The following PDE6B variants were observed in gnomAD, a reference collection of about 807,000 sequenced individuals.
PDE6B encodes rod cGMP-specific 3',5'-cyclic phosphodiesterase subunit beta.
In PDE6B, 106 loss-of-function variants were observed where a neutral mutation model predicts 109.0. That is an observed-to-expected ratio of 0.97 (90% CI 0.83 to 1.14). The LOEUF (loss-of-function observed/expected upper bound fraction) is 1.14, where lower values mean the gene tolerates loss of function less well. PDE6B is among the 50% of genes most tolerant of loss of function. The probability of loss-of-function intolerance (pLI) is 0.00; values close to 1 mark genes in which losing one functional copy is unlikely to be tolerated. For missense variants in PDE6B, 1,193 were observed against 1,155.6 expected, an observed-to-expected ratio of 1.03 and a Z score of -0.47; for synonymous variants, 490 against 471.3, an observed-to-expected ratio of 1.04 and a Z score of -0.51.
Position 642,725 on chromosome 4 carries a change from C to CAAAAAAAAAAAAAA in PDE6B, c.711+6768_711+6781dup, listed in dbSNP as rs71636506. On this transcript the variant is annotated intron_variant, in intron 3 of 21. Transcript: ENST00000496514. Reference sequence around the variant, plus strand: ...CCAACCTGGACAACAGACACTGTCTCAAAAAAAAAAAAAAAAAAAAAAAAA... The same window carrying CAAAAAAAAAAAAAA: ...CCAACCTGGACAACAGACACTGTCTCAAAAAAAAAAAAAAAAAAAAAAAAAAAAAAAAAAAAAAA... Among the ~76,000 whole-genome samples, 216 of 43,294 alleles carry CAAAAAAAAAAAAAA rather than the reference C, an allele frequency of 5.0e-3. 11 individuals are homozygous for CAAAAAAAAAAAAAA. Among genetic ancestry groups the CAAAAAAAAAAAAAA allele is most frequent in the African/African-American group, 0.012 (132 of 10,700 alleles). 28.4% of individuals were successfully genotyped at this position (43,294 alleles called of 152,430 possible).
In PDE6B at chr4:666,488, C is replaced by T. The variant is rs577010777; in HGVS notation, c.2269-43C>T. On this transcript the variant is annotated intron_variant, in intron 19 of 21. Coordinates refer to ENST00000496514, the MANE Select transcript of PDE6B (RefSeq NM_000283.4). The surrounding 1 kb of genome is among the most constrained non-coding windows in gnomAD (Gnocchi z 5.6). ...GGGCTGGGCGGGGCCCCAGGAGCTG[C>T]CTCCCTGGTCACTGTTCTCCCGCCC... The T allele has an allele frequency of 7.1e-5, 98 of 1,381,786 alleles. No individual in the cohort carries two copies. In the South Asian group the frequency reaches 1.1e-3, roughly 15 times the overall value. The allele number at this position is 1,381,786 out of a possible 1,614,324, so 85.6% of individuals were successfully genotyped here.
chr4:654,043 G>A (rs375423770), intron 4 of PDE6B, 37 bp from the exon 5 acceptor site: 131 of 1,613,114 alleles, frequency 8.1e-5, no homozygotes, highest in African/African-American at 1.1e-4. Context: ...CCCAGGTCCC[G>A]CAGTGACCGC....
intron 21 of PDE6B, among the ~76,000 whole-genome samples, chr4:669,718 G>A (rs184086762): frequency 6.2e-5 from 3 of 48,004 alleles, no homozygotes; most frequent in Non-Finnish European, 7.5e-5. Flanking sequence ...TGCTATTCCC[G>A]CTACCCCATG....
intron 11 of PDE6B, among the ~76,000 whole-genome samples, chr4:659,764 G>A (rs565339120): frequency 6.6e-6 from 1 of 151,136 alleles, no homozygotes; most frequent in African/African-American, 2.4e-5. Context: ...GGTGTGTATT[G>A]TGTGTGCATG....
intron 5 of PDE6B, 46 bp from the exon 6 acceptor site, chr4:654,778 A>G (rs777299928): frequency 1.1e-5 from 11 of 977,168 alleles, no homozygotes; most frequent in Admixed American, 1.7e-5. Flanking sequence ...TGAGCCCCTC[A>G]GAGCTTGGCC....
chr4:654,737 GTGTAGCTGCA>G (rs1735996366), intron 5 of PDE6B, 77 bp from the exon 6 acceptor site: 1 of 817,542 alleles, frequency 1.2e-6, no homozygotes, highest in Non-Finnish European at 2.2e-6. Flanking sequence ...GTGTGGCTGT[GTGTAGCTGCA>G]TGTAGCTGTG....
chr4:655,522 C>A, intron 6 of PDE6B: 1 of 353,438 alleles, frequency 2.8e-6, no homozygotes, highest in South Asian at 2.4e-5. Flanking sequence ...AGCCATACGG[C>A]CTCCGGAGAG....
At position 626,669 on chromosome 4, in the gene PDE6B, CA is replaced by C. The variant is rs1734120644; in HGVS notation, c.468+576del. On this transcript the variant is annotated intron_variant, in intron 1 of 21. Coordinates refer to ENST00000496514, the MANE Select transcript of PDE6B (RefSeq NM_000283.4). The surrounding 1 kb of genome is among the most constrained non-coding windows in gnomAD (Gnocchi z 4.6). ...GAACAAACCTGGTAGCCACTGAGCA[CA>C]GGGGTCCAGGGTGGGACTGGGGAGG... is the stretch of plus-strand genomic sequence containing the variant. Among the ~76,000 whole-genome samples, 2 of 152,204 alleles carry C rather than the reference CA, an allele frequency of 1.3e-5. No homozygotes were observed. The highest frequency in any genetic ancestry group is 4.8e-5 in the African/African-American group (2 of 41,458).
chr4:666,382 C>T lies in PDE6B; in HGVS notation c.2269-149C>T. The T allele has an allele frequency of 1.5e-6, 1 of 672,202 alleles. No homozygotes were observed. Among genetic ancestry groups the T allele is most frequent in the Non-Finnish European group, 2.7e-6 (1 of 365,548 alleles). The allele number at this position is 672,202 out of a possible 1,614,324, so 41.6% of individuals were successfully genotyped here. On this transcript the variant is annotated intron_variant, in intron 19 of 21. Coordinates refer to ENST00000496514, the MANE Select transcript of PDE6B (RefSeq NM_000283.4). The surrounding 1 kb of genome is among the most constrained non-coding windows in gnomAD (Gnocchi z 5.6). ...TGGCCAAGGGAGAGGGTGTCAGCTT[C>T]CCCTCCCGAGAGCCAGTTTCTGTCA... is the stretch of plus-strand genomic sequence containing the variant.
rs953627180 is a variant in PDE6B at position 627,089 on chromosome 4, G to A, written c.468+995G>A. 2.6e-5 allele frequency among the ~76,000 whole-genome samples: 4 copies of A among 152,106 alleles called. No individual in the cohort carries two copies. The East Asian group carries it at 7.7e-4, about 29-fold the overall frequency. On this transcript the variant is annotated intron_variant, in intron 1 of 21. Coordinates refer to ENST00000496514, the MANE Select transcript of PDE6B (RefSeq NM_000283.4). ...CACCAGGCTGCCAGCCCAGGGGCAG[G>A]TGTGGTCCCTCCTTCCCAGGCAGCT... is the stretch of plus-strand genomic sequence containing the variant.
Position 665,119 on chromosome 4 carries a change from C to T in PDE6B, c.2194-136C>T. ...GGTACTGCAGTGTGTCTACATGGCT[C>T]AACCGGAGCCCTGTGTGGTGGGGAC... is the stretch of plus-strand genomic sequence containing the variant. On this transcript the variant is annotated intron_variant, in intron 18 of 21. Coordinates refer to ENST00000496514, the MANE Select transcript of PDE6B (RefSeq NM_000283.4). This position sits in a 1 kb window ranked among gnomAD's most constrained non-coding sequence, Gnocchi z 4.0. 1 of 821,786 alleles carries T rather than the reference C, an allele frequency of 1.2e-6. No homozygotes were observed. The highest frequency in any genetic ancestry group is 2.1e-6 in the Non-Finnish European group (1 of 478,644). 50.9% of individuals were successfully genotyped at this position (821,786 alleles called of 1,614,324 possible).
rs1037505547 is a variant in PDE6B at position 652,430 on chromosome 4, T to G, written c.712-1422T>G. 2.2e-5 allele frequency: 19 copies of G among 861,862 alleles called. No individual in the cohort carries two copies. The South Asian group carries it at 7.9e-4, about 36-fold the overall frequency. The allele number at this position is 861,862 out of a possible 1,614,324, so 53.4% of individuals were successfully genotyped here. ...CAGGAGGCCGGGGCAGGAAGAGAGATAGAGAAAGCAGAGACGTTGGTGAAA... is the reference window on the plus strand; with the variant it reads ...CAGGAGGCCGGGGCAGGAAGAGAGAGAGAGAAAGCAGAGACGTTGGTGAAA... On this transcript the variant is annotated intron_variant, in intron 3 of 21. Transcript: ENST00000496514.
At chr4:649,815 C>T (rs561638654) in intron 3 of PDE6B, among the ~76,000 whole-genome samples, 1 of 152,180 alleles carries the variant, frequency 6.6e-6, no homozygotes, top group Non-Finnish European at 1.5e-5. Context: ...CTGCCCTGGC[C>T]CCTCAGGACC....
At chr4:669,118 A>G (rs1363262443) in intron 21 of PDE6B, among the ~76,000 whole-genome samples, 8 of 126 alleles carry the variant, frequency 0.063, 4 homozygotes, top group African/African-American at 0.4. Flanking sequence ...TGCTGCTCCC[A>G]CTACCCCACG....
chr4:664,490 C>T (rs1737550754), intron 17 of PDE6B, among the ~76,000 whole-genome samples: 1 of 152,160 alleles, frequency 6.6e-6, no homozygotes, highest in African/African-American at 2.4e-5. Context: ...CACTTTTTCA[C>T]CTGTAAAATG....
chr4:625,714 G>A lies in PDE6B; in HGVS notation c.88G>A (p.Glu30Lys), dbSNP rs1553801522. Reference sequence around the variant, plus strand: ...GTACTTTGGGAAGAAACTGAGCCCTGAGAATGTGGCCGCGGCCTGCGAGGA... The same window carrying A: ...GTACTTTGGGAAGAAACTGAGCCCTAAGAATGTGGCCGCGGCCTGCGAGGA... ...RQYFGKKLSP[E>K]NVAAACEDGC... The change falls in exon 1 of 22, where the codon GAG becomes AAG. Residue 30 changes from glutamate to lysine, a missense_variant. Coordinates refer to ENST00000496514, the MANE Select transcript of PDE6B (RefSeq NM_000283.4). This position sits in a 1 kb window ranked among gnomAD's most constrained non-coding sequence, Gnocchi z 5.0. The A allele has an allele frequency of 6.2e-7, 1 of 1,613,824 alleles. No homozygotes were observed. The highest frequency in any genetic ancestry group is 1.7e-5 in the Admixed American group (1 of 60,036).
In PDE6B at chr4:653,833, G is replaced by A. The variant is rs746606375; in HGVS notation, c.712-19G>A. 6 of 1,613,060 alleles carry A rather than the reference G, an allele frequency of 3.7e-6. No homozygotes were observed. Among genetic ancestry groups the A allele is most frequent in the Middle Eastern group, 1.7e-4 (1 of 6,050 alleles). ...GGGTGGGAGTGGCCACAGGCCCACA[G>A]GTGTGCCCCTCCCTCCAGGTGCTGC... is the stretch of plus-strand genomic sequence containing the variant. On this transcript the variant is annotated intron_variant, in intron 3 of 21. Coordinates refer to ENST00000496514, the MANE Select transcript of PDE6B (RefSeq NM_000283.4).
In PDE6B at chr4:664,178, G is replaced by T. The variant is rs761498587; in HGVS notation, c.2086G>T (p.Val696Leu). 3.1e-6 allele frequency: 5 copies of T among 1,611,804 alleles called. No individual in the cohort carries two copies. The highest frequency in any genetic ancestry group is 4.2e-6 in the Non-Finnish European group (5 of 1,178,250). Reference protein sequence around the residue: ...SKNYQDKKSWVEYLSLETTRK... With the variant: ...SKNYQDKKSWLEYLSLETTRK... ...GAACTACCAGGACAAGAAGAGCTGG[G>T]TGGAGTACCTGTCCCTGGAGACGAC... The change falls in exon 17 of 22, where the codon GTG becomes TTG. Residue 696 changes from valine (V) to leucine (L), a missense_variant. Val to Leu is a conservative substitution (Grantham distance 32). Coordinates refer to ENST00000496514, the MANE Select transcript of PDE6B (RefSeq NM_000283.4).
intron 1 of PDE6B, among the ~76,000 whole-genome samples, chr4:632,845 T>C (rs1734460364): frequency 7.0e-6 from 1 of 142,776 alleles, no homozygotes; most frequent in Non-Finnish European, 1.6e-5. Context: ...CTGAGGGTCA[T>C]GTTGTGCTCT....
Sources: allele counts gnomAD v4.1 joint callset (sites outside exome capture counted in the v4.1 genomes callset), GRCh38; gene constraint gnomAD v4.1.1; non-coding constraint Gnocchi (gnomAD v3.1); transcripts MANE v1.5; gene names NCBI Gene and HGNC (gene_info 2026-07-23, HGNC 2026-07-21).